ACTR3C: variants seen among roughly 807,000 people sequenced by gnomAD.
ACTR3C encodes the protein actin-related protein 3C.
In ACTR3C, 18 loss-of-function variants were observed where a neutral mutation model predicts 26.3. The ratio of observed to expected loss-of-function variants is 0.68; its 90% CI spans 0.47 to 1.01. The LOEUF (loss-of-function observed/expected upper bound fraction) is 1.01, where lower values mean the gene tolerates loss of function less well. Among genes scored for constraint, ACTR3C ranks in the 50% least tolerant of loss-of-function variants. The probability of loss-of-function intolerance (pLI) is 0.00; values close to 1 mark genes in which losing one functional copy is unlikely to be tolerated. For synonymous variants in ACTR3C, 55 were observed against 94.5 expected (o/e 0.58, Z 2.42); for missense variants, 184 against 250.7 (o/e 0.73, Z 1.80).
At chr7:150,107,132 T>C in the ACTR3C span, among the ~76,000 whole-genome samples, 3 of 145,316 alleles carry the variant, frequency 2.1e-5, no homozygotes, top group Non-Finnish European at 4.5e-5. Flanking sequence ...GTTTACAACC[T>C]TGGGTTCAAA....
the ACTR3C span, among the ~76,000 whole-genome samples, chr7:150,116,188 A>T: frequency 6.6e-6 from 1 of 152,344 alleles, no homozygotes; most frequent in African/African-American, 2.4e-5. Flanking sequence ...CCCTCTCCTA[A>T]TTCAGCTATG....
the ACTR3C span, among the ~76,000 whole-genome samples, chr7:150,202,266 T>C: frequency 2.6e-5 from 4 of 152,206 alleles, no homozygotes; most frequent in Non-Finnish European, 4.4e-5. Flanking sequence ...AGACGTTTCA[T>C]TGATACAGAA....
the ACTR3C span, among the ~76,000 whole-genome samples, chr7:150,038,974 C>T: frequency 5.2e-5 from 5 of 96,216 alleles, 2 homozygotes; most frequent in African/African-American, 7.6e-5. Context: ...GTGCCTCCCC[C>T]TCCTGCGATC....
At chr7:150,263,004 G>T (rs1266304533) in intron 6 of ACTR3C, among the ~76,000 whole-genome samples, 1 of 152,194 alleles carries the variant, frequency 6.6e-6, no homozygotes, top group Admixed American at 6.5e-5. Context: ...ACTTCCTAGC[G>T]GGTGTGGTAC....
chr7:149,920,634 C>T, the ACTR3C span, among the ~76,000 whole-genome samples: 2 of 150,996 alleles, frequency 1.3e-5, no homozygotes, highest in Non-Finnish European at 1.5e-5. Flanking sequence ...TTAAGCATTG[C>T]TTCATCATCT....
the ACTR3C span, among the ~76,000 whole-genome samples, chr7:149,964,336 C>G: frequency 1.3e-5 from 2 of 152,112 alleles, no homozygotes; most frequent in African/African-American, 2.4e-5. Context: ...GGACAAGATG[C>G]ATTTGAAGAA....
chr7:150,041,766 A>G, the ACTR3C span, among the ~76,000 whole-genome samples: 257 of 48,140 alleles, frequency 5.3e-3, 1 homozygote, highest in East Asian at 0.023. Flanking sequence ...GGGAAGAGGG[A>G]CTGGCTCTCA....
the ACTR3C span, among the ~76,000 whole-genome samples, chr7:150,060,322 C>T: frequency 0.018 from 2,636 of 150,280 alleles, 95 homozygotes; most frequent in African/African-American, 0.062. Context: ...ATTTAGACCT[C>T]GTGTGTTTTT....
chr7:150,048,365 G>A, the ACTR3C span, among the ~76,000 whole-genome samples: 5 of 150,608 alleles, frequency 3.3e-5, no homozygotes, highest in African/African-American at 7.3e-5. Context: ...CCCCGCGCCC[G>A]GGACTGGCGC....
the ACTR3C span, among the ~76,000 whole-genome samples, chr7:149,912,394 T>C: frequency 1.3e-5 from 2 of 151,872 alleles, no homozygotes; most frequent in African/African-American, 4.8e-5. Flanking sequence ...TTAGACAGTA[T>C]AGTCTTGGAA....
At chr7:150,048,344 A>G in the ACTR3C span, among the ~76,000 whole-genome samples, 3 of 149,548 alleles carry the variant, frequency 2.0e-5, no homozygotes, top group Non-Finnish European at 4.5e-5. Context: ...CCCCTTCCCC[A>G]CCGGCCTCCT....
chr7:150,000,187 G>A, the ACTR3C span, among the ~76,000 whole-genome samples: 53,987 of 151,900 alleles, frequency 0.36, 9,742 homozygotes, highest in East Asian at 0.48. Flanking sequence ...ATCTTCCAAA[G>A]TATGATTTTA....
At chr7:150,313,381 G>A (rs1341730316) in intron 1 of ACTR3C, among the ~76,000 whole-genome samples, 3 of 152,186 alleles carry the variant, frequency 2.0e-5, no homozygotes, top group Non-Finnish European at 4.4e-5. Context: ...CGGTTGAAAG[G>A]GACAAGTTAT....
chr7:150,197,471 T>G, the ACTR3C span, among the ~76,000 whole-genome samples: 1 of 152,252 alleles, frequency 6.6e-6, no homozygotes, highest in African/African-American at 2.4e-5. Flanking sequence ...CTGCAATATC[T>G]TCTCTCTAGT....
chr7:149,892,523 A>G, the ACTR3C span: 3 of 589,674 alleles, frequency 5.1e-6, no homozygotes, highest in Non-Finnish European at 7.5e-6. Context: ...TGTGGGGTGA[A>G]GGGTGCTCAC....
the ACTR3C span, among the ~76,000 whole-genome samples, chr7:149,906,279 A>G: frequency 6.6e-6 from 1 of 152,264 alleles, no homozygotes; most frequent in East Asian, 1.9e-4. Flanking sequence ...AAAGAGGAAA[A>G]GAAGAGAGGG....
At chr7:150,159,798 GTTTGTTTT>G in the ACTR3C span, among the ~76,000 whole-genome samples, 2 of 150,876 alleles carry the variant, frequency 1.3e-5, no homozygotes, top group East Asian at 3.9e-4. Flanking sequence ...CTTTTTGTTT[GTTTGTTTT>G]TTTGTTTTTT....
chr7:150,073,909 T>C, the ACTR3C span: 3 of 152,248 alleles, frequency 2.0e-5, no homozygotes, highest in Non-Finnish European at 1.5e-5. Context: ...TTTTATGCTA[T>C]TGATGTCCTT....
At chr7:150,177,518 C>T in the ACTR3C span, among the ~76,000 whole-genome samples, 2 of 150,736 alleles carry the variant, frequency 1.3e-5, no homozygotes, top group East Asian at 1.9e-4. Flanking sequence ...GGTAAAAGTC[C>T]CAGTTCCAGT....
Sources: gnomAD v4.1 joint callset for allele counts (sites outside exome capture counted in the v4.1 genomes callset) on GRCh38, gnomAD v4.1.1 for gene constraint, MANE v1.5 for transcripts, NCBI Gene and HGNC (gene_info 2026-07-23, HGNC 2026-07-21) for gene names.